The following GALNT17 variants were observed in gnomAD, a reference collection of about 807,000 sequenced individuals.
GALNT17 encodes UDP-GalNAc:polypeptide N-acetylgalactosaminyltransferase-like 3.
In GALNT17, 29 loss-of-function variants were observed where a neutral mutation model predicts 63.7. That is an observed-to-expected ratio of 0.46 (90% confidence interval 0.34 to 0.62). The LOEUF (loss-of-function observed/expected upper bound fraction) is 0.62. Among genes scored for constraint, GALNT17 ranks in the 20% least tolerant of loss-of-function variants. GALNT17 has a pLI of 0.01. For missense variants in GALNT17, 603 were observed against 799.6 expected, an observed-to-expected ratio of 0.75 and a Z score of 2.97; for synonymous variants, 305 against 318.3, an observed-to-expected ratio of 0.96 and a Z score of 0.45.
intron 5 of GALNT17, among the ~76,000 whole-genome samples, chr7:71,452,344 G>A (rs769127374): frequency 3.3e-5 from 5 of 152,196 alleles, no homozygotes; most frequent in East Asian, 1.9e-4. Context: ...TCAGGAGTCC[G>A]AGACCAGCAT....
At chr7:71,709,380 G>A (rs530310996) in intron 9 of GALNT17, among the ~76,000 whole-genome samples, 2 of 152,226 alleles carry the variant, frequency 1.3e-5, no homozygotes, top group South Asian at 4.1e-4. Flanking sequence ...GTCTGTTCAT[G>A]TCCTTTGCGC....
intron 3 of GALNT17, among the ~76,000 whole-genome samples, chr7:71,393,478 A>G (rs1376906137): frequency 2.6e-5 from 4 of 152,200 alleles, no homozygotes; most frequent in South Asian, 2.1e-4. Flanking sequence ...CACATTTTGC[A>G]TAGTTAAGAT....
intron 5 of GALNT17, among the ~76,000 whole-genome samples, chr7:71,427,021 T>C (rs1166293994): frequency 6.6e-6 from 1 of 152,118 alleles, no homozygotes; most frequent in Non-Finnish European, 1.5e-5. Flanking sequence ...ATACCAATTA[T>C]TATTAGATTT....
At chr7:71,261,824 A>G (rs1423202447) in intron 1 of GALNT17, among the ~76,000 whole-genome samples, 1 of 152,188 alleles carries the variant, frequency 6.6e-6, no homozygotes, top group Non-Finnish European at 1.5e-5. Flanking sequence ...CCTCTTAGGA[A>G]TCGGAGGTGG....
chr7:71,208,449 C>CT (rs11341410), intron 1 of GALNT17, among the ~76,000 whole-genome samples: 3,857 of 113,384 alleles, frequency 0.034, 114 homozygotes, highest in African/African-American at 0.073. Flanking sequence ...TTAATAAATG[C>CT]TTTTTTTTTT....
At chr7:71,547,400 T>A (rs1172084231) in intron 5 of GALNT17, among the ~76,000 whole-genome samples, 5 of 152,214 alleles carry the variant, frequency 3.3e-5, no homozygotes, top group African/African-American at 1.2e-4. Context: ...GTGATCTGCC[T>A]GCCTTGGCCT....
At chr7:71,185,046 C>CCCCTCCT (rs148184362) in intron 1 of GALNT17, among the ~76,000 whole-genome samples, 8 of 125,290 alleles carry the variant, frequency 6.4e-5, no homozygotes, top group Admixed American at 1.5e-4. Context: ...CTCTTCCTCC[C>CCCCTCCT]CCTCCTCCTC....
At chr7:71,679,606 G>A (rs983701829) in intron 9 of GALNT17, among the ~76,000 whole-genome samples, 1 of 152,076 alleles carries the variant, frequency 6.6e-6, no homozygotes, top group Non-Finnish European at 1.5e-5. Context: ...CGGTGCTGGG[G>A]CCTGGGAGGT....
At chr7:71,356,875 G>T (rs1192922845) in intron 2 of GALNT17, among the ~76,000 whole-genome samples, 1 of 152,146 alleles carries the variant, frequency 6.6e-6, no homozygotes, top group African/African-American at 2.4e-5. Flanking sequence ...ACCGCCTTCT[G>T]GGTTCAAGCA....
intron 8 of GALNT17, among the ~76,000 whole-genome samples, chr7:71,676,294 G>C (rs1403215981): frequency 6.6e-6 from 1 of 152,052 alleles, no homozygotes; most frequent in African/African-American, 2.4e-5. Context: ...ACCTACAATG[G>C]TGCTTAGTAC....
chr7:71,308,314 G>T (rs569300299), intron 1 of GALNT17, among the ~76,000 whole-genome samples: 1 of 152,096 alleles, frequency 6.6e-6, no homozygotes, highest in African/African-American at 2.4e-5. Context: ...GATCTCACCC[G>T]TGTTGCCAAG....
intron 2 of GALNT17, among the ~76,000 whole-genome samples, chr7:71,339,488 ACTAGC>A (rs1791970747): frequency 6.6e-6 from 1 of 152,146 alleles, no homozygotes; most frequent in Non-Finnish European, 1.5e-5. Context: ...GGAGTTCGAG[ACTAGC>A]CTGGCCAACG....
chr7:71,392,302 T>C (rs1400918260), intron 3 of GALNT17, among the ~76,000 whole-genome samples: 1 of 151,748 alleles, frequency 6.6e-6, no homozygotes, highest in Non-Finnish European at 1.5e-5. Flanking sequence ...CCCCAAAAGA[T>C]TGGTAGTGTG....
At chr7:71,508,915 C>T (rs4645467) in intron 5 of GALNT17, among the ~76,000 whole-genome samples, 112,769 of 151,978 alleles carry the variant, frequency 0.74, 41,993 homozygotes, top group East Asian at 0.79. Context: ...TGCGTGCGCT[C>T]GTGTGCATGT....
intron 5 of GALNT17, among the ~76,000 whole-genome samples, chr7:71,454,689 T>C (rs745846770): frequency 6.6e-5 from 10 of 152,104 alleles, no homozygotes; most frequent in Non-Finnish European, 1.3e-4. Flanking sequence ...AAAGGAGAAA[T>C]GTGTGCATGA....
chr7:71,302,816 A>G (rs540982411), intron 1 of GALNT17, among the ~76,000 whole-genome samples: 3 of 152,316 alleles, frequency 2.0e-5, no homozygotes, highest in Non-Finnish European at 2.9e-5. Context: ...TTATGCATGT[A>G]ATTAACATAC....
At position 71,350,556 on chromosome 7, in the gene GALNT17, AC is replaced by A. The variant is rs1474376208; in HGVS notation, c.422+14824del. Among the ~76,000 whole-genome samples, 25 of 152,334 alleles carry A rather than the reference AC, an allele frequency of 1.6e-4. 1 individual carries two copies. The South Asian group carries it at 4.8e-3, about 29-fold the overall frequency. On this transcript the variant is annotated intron_variant, in intron 2 of 10. Transcript: ENST00000333538. ...GACAATAAAAAATACAAATAAAAAA[AC>A]ACTACAGTATAATGACTATTTGCAT...
chr7:71,456,205 C>G (rs1363380813), intron 5 of GALNT17, among the ~76,000 whole-genome samples: 12 of 151,734 alleles, frequency 7.9e-5, no homozygotes, highest in Non-Finnish European at 1.8e-4. Context: ...GAGATCGCAC[C>G]ACTGCACGCC....
chr7:71,598,561 T>G (rs1251852734), intron 6 of GALNT17, among the ~76,000 whole-genome samples: 1 of 152,238 alleles, frequency 6.6e-6, no homozygotes, highest in African/African-American at 2.4e-5. Context: ...TCTTTTTTAA[T>G]TTAGTAGATT....
Sources: gnomAD v4.1 joint callset for allele counts (sites outside exome capture counted in the v4.1 genomes callset) on GRCh38, gnomAD v4.1.1 for gene constraint, MANE v1.5 for transcripts, NCBI Gene and HGNC (gene_info 2026-07-23, HGNC 2026-07-21) for gene names.